KDM2B: variants seen among roughly 807,000 people sequenced by gnomAD.
KDM2B encodes the protein lysine demethylase 2B, also known as lysine-specific demethylase 2B.
KDM2B carries 26 observed loss-of-function variants against 150.0 expected under a neutral mutation model. The observed-to-expected ratio is 0.17, with a 90% confidence interval of 0.13 to 0.24. The LOEUF (loss-of-function observed/expected upper bound fraction) is 0.24. Ranked by LOEUF, KDM2B falls within the 10% of genes least tolerant of loss-of-function variation. KDM2B has a pLI of 1.00. For missense variants in KDM2B, 1,265 were observed against 1,816.9 expected (o/e 0.70, Z 5.52); for synonymous variants, 734 against 729.5 (o/e 1.01, Z -0.10).
At chr12:121,479,250 C>T (rs943365298) in intron 12 of KDM2B, among the ~76,000 whole-genome samples, 14 of 151,738 alleles carry the variant, frequency 9.2e-5, no homozygotes, top group African/African-American at 3.1e-4. Flanking sequence ...AAGATCGAGA[C>T]CATCCTGGCT....
chr12:121,447,317 C>T lies in KDM2B; in HGVS notation c.1960-1899G>A, dbSNP rs138248919. Among the ~76,000 whole-genome samples the T allele has an allele frequency of 3.2e-3, 480 of 151,944 alleles. 17 individuals are homozygous for T. The East Asian group carries it at 0.084, about 27-fold the overall frequency. On this transcript the variant is annotated intron_variant, in intron 13 of 22. Transcript: ENST00000377071. ...AGGCTGGAGTGCAGTGGCACGGTCT[C>T]GACTCACTGCAACCTCTGCCTCCTG... is the stretch of plus-strand genomic sequence containing the variant.
At chr12:121,507,343 G>A (rs1317824134) in intron 11 of KDM2B, among the ~76,000 whole-genome samples, 1 of 152,108 alleles carries the variant, frequency 6.6e-6, no homozygotes, top group African/African-American at 2.4e-5. Context: ...CAGCCTGGGC[G>A]ACAGAGCAAG....
chr12:121,416,533 A>C, the KDM2B span: 7 of 610,720 alleles, frequency 1.1e-5, no homozygotes, highest in Admixed American at 8.8e-5. Context: ...ACTTAATTGG[A>C]GGGATTATAT....
At chr12:121,480,424 G>GAA (rs782672531) in intron 12 of KDM2B, among the ~76,000 whole-genome samples, 1 of 151,916 alleles carries the variant, frequency 6.6e-6, no homozygotes, top group Non-Finnish European at 1.5e-5. Context: ...CATGTCCTGA[G>GAA]AAAAGTCTGT....
chr12:121,499,458 G>A (rs1884308020), intron 11 of KDM2B, among the ~76,000 whole-genome samples: 1 of 151,816 alleles, frequency 6.6e-6, no homozygotes, highest in African/African-American at 2.4e-5. Context: ...TGGTAAGCCT[G>A]GGAAACACAG....
chr12:121,521,146 G>A lies in KDM2B; in HGVS notation c.932-46C>T. ...AGAGGATGAGCCGCTGGCCCCTGTG[G>A]GCTCCCACACCTCACAAGGCTGCAG... On this transcript the variant is annotated intron_variant, in intron 8 of 22. Coordinates refer to ENST00000377071, the MANE Select transcript of KDM2B (RefSeq NM_032590.5). The surrounding 1 kb of genome is among the most constrained non-coding windows in gnomAD (Gnocchi z 4.9). 1 of 1,348,594 alleles carries A rather than the reference G, an allele frequency of 7.4e-7. No individual in the cohort carries two copies. Among genetic ancestry groups the A allele is most frequent in the South Asian group, 1.2e-5 (1 of 85,284 alleles). The allele number at this position is 1,348,594 out of a possible 1,614,324, so 83.5% of individuals were successfully genotyped here. A position where few individuals can be genotyped will look rare whatever the true frequency, so the allele number is the denominator to read the frequency against.
Position 121,533,127 on chromosome 12 carries a change from T to A in KDM2B, c.778-168A>T, listed in dbSNP as rs543230950. Among the ~76,000 whole-genome samples, 9 of 152,192 alleles carry A rather than the reference T, an allele frequency of 5.9e-5. No homozygotes were observed. Among genetic ancestry groups the A allele is most frequent in the African/African-American group, 2.2e-4 (9 of 41,532 alleles). On this transcript the variant is annotated intron_variant, in intron 7 of 22. Coordinates refer to ENST00000377071, the MANE Select transcript of KDM2B (RefSeq NM_032590.5). This position sits in a 1 kb window ranked among gnomAD's most constrained non-coding sequence, Gnocchi z 4.1. Reference sequence around the variant, plus strand: ...CCTCTGGACTCTCTGCAAGGCCAGGTCCCTAGAGCCTCTGGGGAGGCAGGA... The same window carrying A: ...CCTCTGGACTCTCTGCAAGGCCAGGACCCTAGAGCCTCTGGGGAGGCAGGA...
chr12:121,440,963 C>T lies in KDM2B; in HGVS notation c.3463G>A (p.Val1155Met), dbSNP rs782545888. The change falls in exon 21 of 23, where the codon GTG (valine) becomes ATG (methionine). Residue 1155 changes from valine (V) to methionine (M), a missense_variant. Physicochemically the swap from Val to Met is conservative, Grantham distance 21. Transcript: ENST00000377071. ...GCGATCCATGAGCAGCCTGACAGCA[C>T]CAAGTCCCGGAGCCCTGGGGGGACA... ...INRLPGLRDLVLSGCSWIAVS... is the reference protein window; with the variant it reads ...INRLPGLRDLMLSGCSWIAVS... 2 of 1,613,900 alleles carry T rather than the reference C, an allele frequency of 1.2e-6. No homozygotes were observed. The highest frequency in any genetic ancestry group is 2.2e-5 in the South Asian group (2 of 91,036).
the KDM2B span, chr12:121,417,871 T>G: frequency 5.0e-6 from 8 of 1,614,134 alleles, no homozygotes; most frequent in South Asian, 7.7e-5. The surrounding 1 kb of genome is among the most constrained non-coding windows in gnomAD (Gnocchi z 5.0). Flanking sequence ...GGAGAGCTTA[T>G]GGATGGAGAC....
chr12:121,416,074 C>A, the KDM2B span: 1 of 1,085,438 alleles, frequency 9.2e-7, no homozygotes, highest in Non-Finnish European at 1.4e-6. Flanking sequence ...GGCAAACTTA[C>A]CTCTCCAGAA....
chr12:121,465,215 GTTTGTTTTTGTT>G (rs534134600), intron 12 of KDM2B, among the ~76,000 whole-genome samples: 4 of 152,036 alleles, frequency 2.6e-5, no homozygotes, highest in African/African-American at 7.3e-5. Context: ...ATACAGGTTT[GTTTGTTTTTGTT>G]TTTGTTTTTG....
In KDM2B at chr12:121,580,953, G is replaced by A. The variant is rs1891933391; in HGVS notation, c.-42C>T. The A allele has an allele frequency of 6.2e-7, 1 of 1,607,920 alleles. No individual in the cohort carries two copies. Among genetic ancestry groups the A allele is most frequent in the Non-Finnish European group, 8.5e-7 (1 of 1,177,668 alleles). On this transcript the variant is annotated 5_prime_UTR_variant, in exon 1 of 23. Coordinates refer to ENST00000377071, the MANE Select transcript of KDM2B (RefSeq NM_032590.5). The stretch of plus-strand genomic sequence containing the variant: ...GGGGGCTCAGAAGGAAATTAGCTCG[G>A]CTTCCATACCTATAAGGACTGCCTA...
In KDM2B at chr12:121,549,799, T is replaced by C. The variant is rs1256088926; in HGVS notation, c.398-161A>G. Among the ~76,000 whole-genome samples the C allele has an allele frequency of 6.6e-6, 1 of 152,164 alleles. No individual in the cohort carries two copies. The highest frequency in any genetic ancestry group is 6.6e-5 in the Admixed American group (1 of 15,260). On this transcript the variant is annotated intron_variant, in intron 4 of 22. Coordinates refer to ENST00000377071, the MANE Select transcript of KDM2B (RefSeq NM_032590.5). This position sits in a 1 kb window ranked among gnomAD's most constrained non-coding sequence, Gnocchi z 4.4. ...TACCTCACCCCATCGGCTTTCCTTC[T>C]GGGATCTGTCTCCCACCCACCTTGC...
intron 8 of KDM2B, among the ~76,000 whole-genome samples, chr12:121,527,988 T>C (rs1887300400): frequency 6.6e-6 from 1 of 152,142 alleles, no homozygotes; most frequent in Non-Finnish European, 1.5e-5. Context: ...AACCTCCTAT[T>C]CCCCGGGGGT....
At chr12:121,559,424 C>T (rs1447385728) in intron 4 of KDM2B, among the ~76,000 whole-genome samples, 1 of 152,108 alleles carries the variant, frequency 6.6e-6, no homozygotes, top group African/African-American at 2.4e-5. Flanking sequence ...CTCCCCTCCC[C>T]CAGGGAAACA....
rs898828270 is a variant in KDM2B, at chr12:121,575,416, G to A, written c.350+365C>T. On this transcript the variant is annotated intron_variant, in intron 3 of 22. Coordinates refer to ENST00000377071, the MANE Select transcript of KDM2B (RefSeq NM_032590.5). The surrounding 1 kb of genome is among the most constrained non-coding windows in gnomAD (Gnocchi z 4.4). ...TAGGTGCCCTGGGTCTGGGCTTAGAGGCTGGCTAGTCTCTTTGCAGCTCAG... is the reference window on the plus strand; with the variant it reads ...TAGGTGCCCTGGGTCTGGGCTTAGAAGCTGGCTAGTCTCTTTGCAGCTCAG... 6.6e-6 allele frequency among the ~76,000 whole-genome samples: 1 copy of A among 152,248 alleles called. No individual in the cohort carries two copies. Among genetic ancestry groups the A allele is most frequent in the African/African-American group, 2.4e-5 (1 of 41,468 alleles).
At chr12:121,412,427 T>C in the KDM2B span, among the ~76,000 whole-genome samples, 2 of 151,602 alleles carry the variant, frequency 1.3e-5, no homozygotes, top group African/African-American at 2.4e-5. Flanking sequence ...GTTTTTTTAG[T>C]AGAGATGGGG....
At chr12:121,558,367 T>A (rs2142232453) in intron 4 of KDM2B, among the ~76,000 whole-genome samples, 1 of 152,196 alleles carries the variant, frequency 6.6e-6, no homozygotes, top group South Asian at 2.1e-4. Context: ...TGGAATCACC[T>A]GGTAGGTCCT....
At chr12:121,412,300 C>T in the KDM2B span, among the ~76,000 whole-genome samples, 6 of 140,944 alleles carry the variant, frequency 4.3e-5, no homozygotes, top group South Asian at 2.2e-4. Context: ...AGTACAGTGG[C>T]GCAATCTCGG....
Sources: gnomAD v4.1 joint callset for allele counts (sites outside exome capture counted in the v4.1 genomes callset) on GRCh38, gnomAD v4.1.1 for gene constraint, Gnocchi (gnomAD v3.1) non-coding constraint, MANE v1.5 for transcripts, NCBI Gene and HGNC (gene_info 2026-07-23, HGNC 2026-07-21) for gene names.